Variants in NIBAN1 observed in about 807,000 individuals in gnomAD.
The protein encoded by NIBAN1 is niban apoptosis regulator 1.
Under a neutral mutation model 75.1 loss-of-function variants are expected in NIBAN1, and 81 were observed. The observed-to-expected ratio is 1.08, with a 90% CI of 0.90 to 1.30. The LOEUF (loss-of-function observed/expected upper bound fraction) is 1.30, where lower values mean the gene tolerates loss of function less well. Among genes scored for constraint, NIBAN1 ranks in the 50% most tolerant of loss-of-function variants. The pLI is 0.00. For synonymous variants in NIBAN1, 436 were observed against 424.8 expected (o/e 1.03, Z -0.32); for missense variants, 1,133 against 1,128.1 (o/e 1.00, Z -0.06).
rs374074783 is a variant in NIBAN1, at chr1:184,823,250, A to G, written c.902T>C (p.Leu301Pro). 6.2e-7 allele frequency: 1 copy of G among 1,614,064 alleles called. No individual in the cohort carries two copies. Among genetic ancestry groups the G allele is most frequent in the Non-Finnish European group, 8.5e-7 (1 of 1,180,022 alleles). Residue 301 changes from leucine to proline, a missense_variant, in exon 8 of 14, where the codon CTG (leucine) becomes CCG (proline). Coordinates refer to ENST00000367511, the MANE Select transcript of NIBAN1 (RefSeq NM_052966.4). The part of the protein sequence containing the change: ...LSALKEECRA[L>P]TKGLEGTIRS... ...GATCGTTCCTTCCAGGCCCTTTGTC[A>G]GAGCTCTGCATTCCTCCTTCAAGGC...
chr1:184,882,244 G>A (rs1191587870), intron 5 of NIBAN1, among the ~76,000 whole-genome samples: 3 of 152,144 alleles, frequency 2.0e-5, no homozygotes, highest in Admixed American at 2.0e-4. Flanking sequence ...GTGGTTAAGT[G>A]GCAGCTTGTG....
intron 2 of NIBAN1, among the ~76,000 whole-genome samples, chr1:184,895,600 T>C (rs1325850037): frequency 6.6e-6 from 1 of 152,180 alleles, no homozygotes; most frequent in Non-Finnish European, 1.5e-5. Flanking sequence ...GGTACGTGTG[T>C]TTCTTACATG....
intron 5 of NIBAN1, among the ~76,000 whole-genome samples, chr1:184,864,663 A>C (rs1655902591): frequency 6.6e-6 from 1 of 152,144 alleles, no homozygotes; most frequent in Non-Finnish European, 1.5e-5. Context: ...AGATGCATTA[A>C]AAAATAATAT....
At chr1:184,856,167 T>C (rs970227295) in intron 5 of NIBAN1, among the ~76,000 whole-genome samples, 1 of 152,168 alleles carries the variant, frequency 6.6e-6, no homozygotes, top group African/African-American at 2.4e-5. Flanking sequence ...CTTCTCAATT[T>C]AAATATAAGT....
At chr1:184,897,277 A>AGTGT (rs34548568) in intron 2 of NIBAN1, among the ~76,000 whole-genome samples, 6,454 of 132,590 alleles carry the variant, frequency 0.049, 169 homozygotes, top group South Asian at 0.078. Context: ...TGTACTCCTA[A>AGTGT]GTGTGTGTGT....
intron 5 of NIBAN1, among the ~76,000 whole-genome samples, chr1:184,880,616 C>T (rs1005856535): frequency 1.3e-5 from 2 of 152,148 alleles, no homozygotes; most frequent in African/African-American, 4.8e-5. Flanking sequence ...TTTCTTCTTC[C>T]TGCACATTTA....
chr1:184,908,823 G>GC (rs1267431711), intron 1 of NIBAN1, among the ~76,000 whole-genome samples: 4 of 152,052 alleles, frequency 2.6e-5, no homozygotes. Context: ...GCTGTCTAAT[G>GC]CCCCCCAAGG....
At chr1:184,807,902 G>A in intron 10 of NIBAN1, 172 bp downstream of exon 10, 1 of 685,748 alleles carries the variant, frequency 1.5e-6, no homozygotes, top group Non-Finnish European at 2.6e-6. Context: ...TCATCCACAT[G>A]GATGGAAGAT....
intron 1 of NIBAN1, among the ~76,000 whole-genome samples, chr1:184,945,553 C>G (rs577955115): frequency 7.9e-4 from 121 of 152,204 alleles, no homozygotes; most frequent in African/African-American, 2.8e-3. Context: ...TGCAAGCAAT[C>G]TTTAAAAAAA....
chr1:184,825,381 G>C (rs941545546), intron 6 of NIBAN1, among the ~76,000 whole-genome samples: 1 of 152,026 alleles, frequency 6.6e-6, no homozygotes. Flanking sequence ...TCTAATATAC[G>C]ATGATTGCTT....
In NIBAN1 at chr1:184,857,807, G is replaced by A. The variant is rs567473398; in HGVS notation, c.602-25845C>T. Among the ~76,000 whole-genome samples the A allele has an allele frequency of 5.3e-5, 8 of 152,084 alleles. No homozygotes were observed. The South Asian group carries it at 1.7e-3, about 32-fold the overall frequency. ...AATTGTAGCTTAATTCAGTGGGAAG[G>A]TTAGATTATTTAATAAATGGTGCTG... On this transcript the variant is annotated intron_variant, in intron 5 of 13. Coordinates refer to ENST00000367511, the MANE Select transcript of NIBAN1 (RefSeq NM_052966.4).
At position 184,830,288 on chromosome 1, in the gene NIBAN1, T is replaced by C. The variant is rs1384683630; in HGVS notation, c.717+1559A>G. 3.3e-5 allele frequency among the ~76,000 whole-genome samples: 5 copies of C among 152,370 alleles called. No individual in the cohort carries two copies. In the East Asian group the frequency reaches 9.6e-4, roughly 29 times the overall value. ...TATCTATTAACTATGTTGGCTTACA[T>C]GGCAGGCCAGCCAGTGTCAAGTGCT... is the stretch of plus-strand genomic sequence containing the variant. On this transcript the variant is annotated intron_variant, in intron 6 of 13. Transcript: ENST00000367511.
intron 5 of NIBAN1, among the ~76,000 whole-genome samples, chr1:184,877,726 T>C (rs563915424): frequency 6.6e-6 from 1 of 152,292 alleles, no homozygotes; most frequent in African/African-American, 2.4e-5. Flanking sequence ...AAAACAGCCA[T>C]TGCATTTACT....
At chr1:184,862,335 T>C (rs975349418) in intron 5 of NIBAN1, among the ~76,000 whole-genome samples, 4 of 151,774 alleles carry the variant, frequency 2.6e-5, no homozygotes, top group Non-Finnish European at 4.4e-5. Flanking sequence ...AGGTGAGATC[T>C]CACTATGTTG....
chr1:184,831,452 T>A (rs1654997245), intron 6 of NIBAN1, among the ~76,000 whole-genome samples: 1 of 152,212 alleles, frequency 6.6e-6, no homozygotes, highest in African/African-American at 2.4e-5. Flanking sequence ...AGAGGTTAAA[T>A]AAGTTGGCAT....
chr1:184,915,457 A>C (rs234676), intron 1 of NIBAN1, among the ~76,000 whole-genome samples: 65,876 of 152,024 alleles, frequency 0.43, 14,402 homozygotes, highest in East Asian at 0.54. Context: ...TCAAAGTACC[A>C]ACTTCAAAGC....
intron 1 of NIBAN1, among the ~76,000 whole-genome samples, chr1:184,902,069 G>A (rs1656970388): frequency 6.6e-6 from 1 of 152,066 alleles, no homozygotes; most frequent in South Asian, 2.1e-4. Flanking sequence ...AGCAAAGTCT[G>A]GTGTTGAGGC....
Position 184,892,624 on chromosome 1 carries a change from C to G in NIBAN1, c.318+1451G>C, listed in dbSNP as rs555129383. Among the ~76,000 whole-genome samples the G allele has an allele frequency of 2.8e-4, 43 of 152,206 alleles. No homozygotes were observed. In the South Asian group the frequency reaches 8.9e-3, roughly 32 times the overall value. ...ACCCAAGAGAGCACTTGAGCTTTGC[C>G]TGGTAGCCTGTGAAATAAGTTTGTA... is the stretch of plus-strand genomic sequence containing the variant. On this transcript the variant is annotated intron_variant, in intron 3 of 13. Coordinates refer to ENST00000367511, the MANE Select transcript of NIBAN1 (RefSeq NM_052966.4).
chr1:184,801,416 A>C (rs546433135), intron 12 of NIBAN1, among the ~76,000 whole-genome samples: 9 of 152,178 alleles, frequency 5.9e-5, no homozygotes, highest in Non-Finnish European at 1.2e-4. Flanking sequence ...TGGACTAGAC[A>C]TGGGACCTTG....
Sources: gnomAD v4.1 joint callset for allele counts (sites outside exome capture counted in the v4.1 genomes callset) on GRCh38, gnomAD v4.1.1 for gene constraint, MANE v1.5 for transcripts, NCBI Gene and HGNC (gene_info 2026-07-23, HGNC 2026-07-21) for gene names.